Variants in NKAIN2 observed in about 807,000 individuals in gnomAD.
NKAIN2 encodes sodium/potassium-transporting ATPase subunit beta-1-interacting protein 2.
Under a neutral mutation model 32.6 loss-of-function variants are expected in NKAIN2, and 14 were observed. That is an observed-to-expected ratio of 0.43 (90% CI 0.28 to 0.67). The LOEUF (loss-of-function observed/expected upper bound fraction) is 0.67. Among genes scored for constraint, NKAIN2 ranks in the 30% least tolerant of loss-of-function variants. The pLI is 0.17. For missense variants in NKAIN2, 198 were observed against 258.3 expected (o/e 0.77, Z 1.60); for synonymous variants, 80 against 87.2 (o/e 0.92, Z 0.46).
rs79275076 is a variant in NKAIN2 at position 124,375,844 on chromosome 6, A to G, written c.273+20497A>G. ...TAGTCAGAATAAACACCAGACCTCTATCAAGAACCTAATGGCTCAAAAACT... is the reference window on the plus strand; with the variant it reads ...TAGTCAGAATAAACACCAGACCTCTGTCAAGAACCTAATGGCTCAAAAACT... On this transcript the variant is annotated intron_variant, in intron 3 of 6. Coordinates refer to ENST00000368417, the MANE Select transcript of NKAIN2 (RefSeq NM_001040214.3). Among the ~76,000 whole-genome samples, 1,438 of 152,266 alleles carry G rather than the reference A, an allele frequency of 9.4e-3. 10 individuals are homozygous for G. The highest frequency in any genetic ancestry group is 0.034 in the Middle Eastern group (10 of 294).
At chr6:124,307,536 A>G (rs1387260814) in intron 2 of NKAIN2, among the ~76,000 whole-genome samples, 2 of 152,286 alleles carry the variant, frequency 1.3e-5, no homozygotes, top group African/African-American at 2.4e-5. Context: ...CCATTAATCC[A>G]TCCTGAAAAA....
intron 3 of NKAIN2, among the ~76,000 whole-genome samples, chr6:124,640,309 T>C (rs1783936538): frequency 6.6e-6 from 1 of 152,216 alleles, no homozygotes; most frequent in Admixed American, 6.5e-5. Flanking sequence ...ATCTTCAGCA[T>C]GTCTGTGCCT....
At chr6:124,190,551 A>G (rs147371125) in intron 1 of NKAIN2, among the ~76,000 whole-genome samples, 66 of 152,352 alleles carry the variant, frequency 4.3e-4, no homozygotes, top group Middle Eastern at 6.8e-3. Flanking sequence ...CAGTGGCTCT[A>G]TAATTGGCAT....
intron 3 of NKAIN2, among the ~76,000 whole-genome samples, chr6:124,394,010 T>G (rs998290940): frequency 6.6e-6 from 1 of 152,142 alleles, no homozygotes; most frequent in Non-Finnish European, 1.5e-5. Flanking sequence ...GAGTTTAAAG[T>G]CTATGATGTC....
intron 1 of NKAIN2, among the ~76,000 whole-genome samples, chr6:123,934,087 C>T (rs1444456332): frequency 6.6e-6 from 1 of 152,148 alleles, no homozygotes; most frequent in Non-Finnish European, 1.5e-5. Flanking sequence ...ACATATGTAT[C>T]TGAAATCAAC....
chr6:124,414,604 T>TA (rs1774376244), intron 3 of NKAIN2, among the ~76,000 whole-genome samples: 1 of 152,214 alleles, frequency 6.6e-6, no homozygotes, highest in Non-Finnish European at 1.5e-5. Context: ...ATATTTGTTA[T>TA]AAATCACCAG....
intron 4 of NKAIN2, chr6:124,659,066 T>C (rs927345139): frequency 2.0e-5 from 3 of 152,162 alleles, no homozygotes; most frequent in Non-Finnish European, 4.4e-5. Flanking sequence ...AACATTGTAT[T>C]ACTATGACAA....
intron 1 of NKAIN2, among the ~76,000 whole-genome samples, chr6:124,212,659 A>G (rs1791249608): frequency 6.6e-6 from 1 of 152,084 alleles, no homozygotes; most frequent in Non-Finnish European, 1.5e-5. Context: ...TAAACTTCAA[A>G]TTTCCACATT....
At chr6:124,409,170 C>T (rs1185887589) in intron 3 of NKAIN2, among the ~76,000 whole-genome samples, 2 of 152,088 alleles carry the variant, frequency 1.3e-5, no homozygotes, top group East Asian at 1.9e-4. Flanking sequence ...CTTTTCCTAA[C>T]TGAATGCCGT....
At chr6:123,900,033 A>G (rs779340919) in intron 1 of NKAIN2, among the ~76,000 whole-genome samples, 4 of 152,142 alleles carry the variant, frequency 2.6e-5, no homozygotes, top group Admixed American at 6.5e-5. Flanking sequence ...CCTCAACCCA[A>G]TGGTCCCTCT....
chr6:124,406,137 A>G lies in NKAIN2; in HGVS notation c.273+50790A>G, dbSNP rs527340903. Among the ~76,000 whole-genome samples the G allele has an allele frequency of 8.2e-4, 125 of 152,230 alleles. 4 individuals are homozygous for G. In the South Asian group the frequency reaches 0.017, roughly 20 times the overall value. On this transcript the variant is annotated intron_variant, in intron 3 of 6. Transcript: ENST00000368417. ...AAATTTGGTAAGTTTTGACATATGT[A>G]TATACTTAAGAAACCATCACCAAAA...
intron 1 of NKAIN2, among the ~76,000 whole-genome samples, chr6:123,874,879 C>T (rs1773094863): frequency 7.5e-6 from 1 of 132,654 alleles, no homozygotes; most frequent in African/African-American, 2.6e-5. Context: ...TCTTTTCTCG[C>T]TATTCCTACA....
chr6:124,255,125 C>G (rs866260922), intron 1 of NKAIN2, among the ~76,000 whole-genome samples: 2 of 152,132 alleles, frequency 1.3e-5, no homozygotes, highest in Non-Finnish European at 2.9e-5. Flanking sequence ...CTCATTGTGG[C>G]TCATTTCTTT....
At chr6:124,118,730 G>C (rs941792646) in intron 1 of NKAIN2, among the ~76,000 whole-genome samples, 3 of 152,124 alleles carry the variant, frequency 2.0e-5, no homozygotes, top group African/African-American at 7.2e-5. Context: ...CTATAATTGT[G>C]TCATTTTGTT....
intron 3 of NKAIN2, among the ~76,000 whole-genome samples, chr6:124,537,734 T>C (rs2114837223): frequency 6.6e-6 from 1 of 152,306 alleles, no homozygotes; most frequent in Non-Finnish European, 1.5e-5. Context: ...TCTTTGTATA[T>C]TAGGCTACAT....
intron 1 of NKAIN2, among the ~76,000 whole-genome samples, chr6:123,910,370 A>G (rs1395634768): frequency 6.6e-6 from 1 of 152,048 alleles, no homozygotes; most frequent in Non-Finnish European, 1.5e-5. Flanking sequence ...CATGTTCTAC[A>G]TTTTAGATTT....
chr6:123,843,420 A>G (rs773343427), intron 1 of NKAIN2, among the ~76,000 whole-genome samples: 4 of 152,046 alleles, frequency 2.6e-5, no homozygotes, highest in Non-Finnish European at 5.9e-5. Flanking sequence ...TCTCCTCTCA[A>G]TGTTCAGATG....
intron 4 of NKAIN2, among the ~76,000 whole-genome samples, chr6:124,779,351 GGA>G (rs1412586526): frequency 2.7e-5 from 4 of 148,250 alleles, no homozygotes; most frequent in African/African-American, 9.9e-5. Context: ...AAGGAAGGAA[GGA>G]AGGAAGGAAG....
At position 124,028,787 on chromosome 6, in the gene NKAIN2, A is replaced by G. The variant is rs150592453; in HGVS notation, c.54+224533A>G. ...TATAAGTGTATATACATATATACGC[A>G]TATACGTGTATATACGTATATATAC... On this transcript the variant is annotated intron_variant, in intron 1 of 6. Transcript: ENST00000368417. 6.3e-4 allele frequency among the ~76,000 whole-genome samples: 87 copies of G among 139,190 alleles called. No homozygotes were observed. The East Asian group carries it at 0.014, about 22-fold the overall frequency. 91.3% of individuals were successfully genotyped at this position (139,190 alleles called of 152,430 possible).
Sources: gnomAD v4.1 joint callset for allele counts (sites outside exome capture counted in the v4.1 genomes callset) on GRCh38, gnomAD v4.1.1 for gene constraint, MANE v1.5 for transcripts, NCBI Gene and HGNC (gene_info 2026-07-23, HGNC 2026-07-21) for gene names.